PPP1R12B: variants seen among roughly 807,000 people sequenced by gnomAD.
The protein encoded by PPP1R12B is protein phosphatase 1 regulatory subunit 12B.
PPP1R12B carries 76 observed loss-of-function variants against 126.1 expected under a neutral mutation model. The ratio of observed to expected loss-of-function variants is 0.60; its 90% CI spans 0.50 to 0.73. PPP1R12B has a LOEUF of 0.73. Ranked by LOEUF, PPP1R12B falls within the 30% of genes least tolerant of loss-of-function variation. The probability of loss-of-function intolerance (pLI) is 0.00; values close to 1 mark genes in which losing one functional copy is unlikely to be tolerated. For synonymous variants in PPP1R12B, 356 were observed against 434.7 expected, an observed-to-expected ratio of 0.82 and a Z score of 2.25; for missense variants, 1,052 against 1,205.1, an observed-to-expected ratio of 0.87 and a Z score of 1.88.
At chr1:202,411,750 A>G (rs1270367688) in intron 1 of PPP1R12B, among the ~76,000 whole-genome samples, 6 of 152,156 alleles carry the variant, frequency 3.9e-5, no homozygotes, top group Non-Finnish European at 5.9e-5. Context: ...ACATATGCTT[A>G]TAGTTAAGTT....
chr1:202,414,721 G>T (rs78118749), intron 1 of PPP1R12B, among the ~76,000 whole-genome samples: 2,900 of 152,252 alleles, frequency 0.019, 103 homozygotes, highest in African/African-American at 0.066. Context: ...GTGTTATTTT[G>T]ATTTTAAAAA....
At chr1:202,397,014 A>G (rs1388282427) in intron 1 of PPP1R12B, among the ~76,000 whole-genome samples, 1 of 152,220 alleles carries the variant, frequency 6.6e-6, no homozygotes, top group Non-Finnish European at 1.5e-5. Context: ...GCTTCTAAAT[A>G]TAATTAAAGA....
chr1:202,358,991 A>C (rs1657639282), intron 1 of PPP1R12B, among the ~76,000 whole-genome samples: 1 of 152,146 alleles, frequency 6.6e-6, no homozygotes, highest in South Asian at 2.1e-4. Flanking sequence ...TAAGCATTTT[A>C]TTATGGAATA....
chr1:202,458,826 A>G (rs931571859), intron 13 of PPP1R12B, among the ~76,000 whole-genome samples: 3 of 152,218 alleles, frequency 2.0e-5, no homozygotes, highest in African/African-American at 7.2e-5. Context: ...AAAAGCCTGA[A>G]GCCTGTGTTC....
In PPP1R12B at chr1:202,457,760, C is replaced by T. The variant is rs1439549035; in HGVS notation, c.1850+8589C>T. Reference sequence around the variant, plus strand: ...AAGGAAGGCCTACCAGAGGAGGTAACTGGAGTTGAATTTTGAAAGGCAACT... The same window carrying T: ...AAGGAAGGCCTACCAGAGGAGGTAATTGGAGTTGAATTTTGAAAGGCAACT... On this transcript the variant is annotated intron_variant, in intron 13 of 23. Transcript: ENST00000608999. 3.3e-5 allele frequency among the ~76,000 whole-genome samples: 5 copies of T among 152,032 alleles called. No homozygotes were observed. The South Asian group carries it at 6.2e-4, about 19-fold the overall frequency.
chr1:202,376,573 A>G (rs1661206087), intron 1 of PPP1R12B, among the ~76,000 whole-genome samples: 1 of 152,354 alleles, frequency 6.6e-6, no homozygotes, highest in East Asian at 1.9e-4. Flanking sequence ...TTTTAAAAAC[A>G]GTTTAGGGAT....
chr1:202,475,528 T>C (rs1024465314), intron 13 of PPP1R12B, among the ~76,000 whole-genome samples: 3 of 152,182 alleles, frequency 2.0e-5, no homozygotes, highest in East Asian at 1.9e-4. Flanking sequence ...AGAAATACCA[T>C]GGTACTGAGT....
intron 1 of PPP1R12B, among the ~76,000 whole-genome samples, chr1:202,351,803 A>G (rs1035827235): frequency 1.3e-5 from 2 of 152,246 alleles, no homozygotes; most frequent in African/African-American, 4.8e-5. Context: ...AGAAGCCCCC[A>G]GATAATACTG....
At chr1:202,366,580 A>G (rs1659281330) in intron 1 of PPP1R12B, among the ~76,000 whole-genome samples, 1 of 152,020 alleles carries the variant, frequency 6.6e-6, no homozygotes, top group African/African-American at 2.4e-5. Context: ...ATAACAAAAT[A>G]CATTAAAAAT....
chr1:202,484,909 G>A (rs1238279469), intron 13 of PPP1R12B, among the ~76,000 whole-genome samples: 4 of 152,296 alleles, frequency 2.6e-5, no homozygotes, highest in Non-Finnish European at 5.9e-5. Flanking sequence ...GTACAGCAGG[G>A]CCACACAACC....
At chr1:202,524,829 C>T (rs781153794) in intron 18 of PPP1R12B, among the ~76,000 whole-genome samples, 3 of 152,164 alleles carry the variant, frequency 2.0e-5, no homozygotes, top group Non-Finnish European at 4.4e-5. Context: ...CTGCTGTAAA[C>T]ATGCATGTGC....
chr1:202,504,200 G>T (rs189155562), intron 18 of PPP1R12B, among the ~76,000 whole-genome samples: 7 of 152,212 alleles, frequency 4.6e-5, no homozygotes, highest in Non-Finnish European at 7.4e-5. Flanking sequence ...TTCGAGACCA[G>T]CCTGGTCAAC....
chr1:202,527,543 C>T (rs1683474170), intron 18 of PPP1R12B: 1 of 152,076 alleles, frequency 6.6e-6, no homozygotes, highest in African/African-American at 2.4e-5. Flanking sequence ...TTATTTTGAG[C>T]AACTTTATGA....
intron 17 of PPP1R12B, 100 bp downstream of exon 17, chr1:202,495,782 T>C: frequency 9.6e-7 from 1 of 1,038,532 alleles, no homozygotes; most frequent in Non-Finnish European, 1.4e-6. Context: ...GCCATGAATC[T>C]TGCAGTTTCT....
chr1:202,523,775 C>T (rs1473716950), intron 18 of PPP1R12B, among the ~76,000 whole-genome samples: 1 of 152,072 alleles, frequency 6.6e-6, no homozygotes. Context: ...AGTGCATTGG[C>T]GCCATCTCGG....
intron 13 of PPP1R12B, among the ~76,000 whole-genome samples, chr1:202,451,022 T>A (rs1385420296): frequency 1.3e-5 from 2 of 152,082 alleles, no homozygotes; most frequent in Admixed American, 6.5e-5. Flanking sequence ...TTGTGTGCTG[T>A]TTAATTTCTT....
At chr1:202,384,372 A>G (rs1394248137) in intron 1 of PPP1R12B, among the ~76,000 whole-genome samples, 1 of 152,240 alleles carries the variant, frequency 6.6e-6, no homozygotes, top group East Asian at 1.9e-4. Context: ...TTCAGCCATA[A>G]AAAGGAATTG....
chr1:202,541,645 T>TATTA (rs1685139562), intron 18 of PPP1R12B, among the ~76,000 whole-genome samples: 1 of 152,214 alleles, frequency 6.6e-6, no homozygotes, highest in African/African-American at 2.4e-5. Flanking sequence ...AAGATCCCCT[T>TATTA]ATTAATGTCT....
At chr1:202,440,990 G>T (rs370206235) in intron 11 of PPP1R12B, among the ~76,000 whole-genome samples, 124 of 151,980 alleles carry the variant, frequency 8.2e-4, no homozygotes, top group Non-Finnish European at 1.4e-3. Context: ...CTAACTCCAG[G>T]TTAGACATTA....
Sources: allele counts gnomAD v4.1 joint callset (sites outside exome capture counted in the v4.1 genomes callset), GRCh38; gene constraint gnomAD v4.1.1; transcripts MANE v1.5; gene names NCBI Gene and HGNC (gene_info 2026-07-23, HGNC 2026-07-21).